CFAP44: variants seen among roughly 807,000 people sequenced by gnomAD.
CFAP44 encodes cilia and flagella associated protein 44.
CFAP44 carries 134 observed loss-of-function variants against 216.2 expected under a neutral mutation model. The ratio of observed to expected loss-of-function variants is 0.62; its 90% CI spans 0.54 to 0.72. CFAP44 has a LOEUF of 0.72. CFAP44 is among the 30% of genes least tolerant of loss of function. The pLI is 0.00. For synonymous variants in CFAP44, 700 were observed against 727.6 expected (o/e 0.96, Z 0.61); for missense variants, 2,035 against 2,182.1 (o/e 0.93, Z 1.34).
At chr3:113,351,316 C>G (rs1292649777) in intron 22 of CFAP44, among the ~76,000 whole-genome samples, 2 of 152,138 alleles carry the variant, frequency 1.3e-5, no homozygotes, top group Non-Finnish European at 2.9e-5. Context: ...AAATCAGACC[C>G]TATCAGTACC....
chr3:113,357,926 T>C (rs1950506147), intron 22 of CFAP44, among the ~76,000 whole-genome samples: 2 of 152,010 alleles, frequency 1.3e-5, no homozygotes, highest in East Asian at 1.9e-4. Flanking sequence ...TAGCCAAAAA[T>C]AGAAACAACT....
intron 15 of CFAP44, among the ~76,000 whole-genome samples, chr3:113,384,687 T>G (rs1933601366): frequency 6.6e-6 from 1 of 152,188 alleles, no homozygotes. Flanking sequence ...ACCAACACCT[T>G]GATTTGGGGC....
intron 34 of CFAP44, among the ~76,000 whole-genome samples, 176 bp from the exon 35 acceptor site, chr3:113,291,924 G>A (rs1342053699): frequency 1.3e-5 from 2 of 152,188 alleles, no homozygotes; most frequent in African/African-American, 4.8e-5. Flanking sequence ...AGAAATGTGT[G>A]CCTTTGGGCT....
chr3:113,409,140 C>G lies in CFAP44; in HGVS notation c.856G>C (p.Glu286Gln). 3 of 1,613,618 alleles carry G rather than the reference C, an allele frequency of 1.9e-6. No individual in the cohort carries two copies. The highest frequency in any genetic ancestry group is 2.5e-6 in the Non-Finnish European group (3 of 1,179,844). ...FKVTFNPDKE[E>Q]QLTTSGSGHI... ...CCTGATCCCGATGTAGTAAGCTGCT[C>G]TTCCTTATCAGGATTGAAAGTAACC... is the stretch of plus-strand genomic sequence containing the variant. The change falls in exon 7 of 35, where the codon GAG (glutamate) becomes CAG (glutamine). Residue 286 changes from glutamate to glutamine, a missense_variant. Around this residue, in one of 3 missense-constraint regions of CFAP44, gnomAD observed 1,883 missense variants for 2,023.7 expected, o/e 0.93. Transcript: ENST00000393845.
intron 27 of CFAP44, among the ~76,000 whole-genome samples, chr3:113,326,850 G>C (rs1266704024): frequency 1.3e-5 from 2 of 152,084 alleles, no homozygotes; most frequent in African/African-American, 4.8e-5. Flanking sequence ...TTTAGAATTA[G>C]AAAATCAGCT....
intron 2 of CFAP44, among the ~76,000 whole-genome samples, chr3:113,428,097 A>G (rs1935010342): frequency 1.3e-5 from 2 of 152,342 alleles, no homozygotes; most frequent in South Asian, 4.1e-4. Context: ...GTGTATTTGG[A>G]TGGCAAGAAA....
intron 28 of CFAP44, among the ~76,000 whole-genome samples, chr3:113,309,804 T>C (rs1010941836): frequency 6.6e-6 from 1 of 152,192 alleles, no homozygotes; most frequent in Non-Finnish European, 1.5e-5. Flanking sequence ...TCCTTGGATA[T>C]TCTTTTAGCC....
intron 6 of CFAP44, among the ~76,000 whole-genome samples, chr3:113,411,948 T>C (rs1304105709): frequency 6.8e-5 from 10 of 146,642 alleles, no homozygotes; most frequent in Non-Finnish European, 1.5e-5. Context: ...CTGTCTGTTA[T>C]TGGTGTATAA....
At chr3:113,389,079 T>A (rs1328398057) in intron 15 of CFAP44, among the ~76,000 whole-genome samples, 1 of 152,176 alleles carries the variant, frequency 6.6e-6, no homozygotes, top group African/African-American at 2.4e-5. Context: ...TACACATTAT[T>A]CTCCTCAGCA....
rs1183735300 is a variant in CFAP44 at position 113,441,113 on chromosome 3, C to CTGA, written c.-6+339_-6+340insTCA. Among the ~76,000 whole-genome samples, 77 of 152,308 alleles carry CTGA rather than the reference C, an allele frequency of 5.1e-4. 1 individual carries two copies. The highest frequency in any genetic ancestry group is 1.6e-3 in the African/African-American group (67 of 41,562). The stretch of plus-strand genomic sequence containing the variant: ...GTGCCAAGCGTCGCACCCAGCTGAG[C>CTGA]GCAGGGCAGGTGTCTCACTGGAGCG... On this transcript the variant is annotated intron_variant, in intron 1 of 34. Coordinates refer to ENST00000393845, the MANE Select transcript of CFAP44 (RefSeq NM_001164496.2).
In CFAP44 at chr3:113,433,587, C is replaced by T. The variant is rs532116954; in HGVS notation, c.78G>A (p.Arg26=). The T allele has an allele frequency of 3.1e-6, 5 of 1,612,166 alleles. No homozygotes were observed. The Admixed American group carries it at 6.7e-5, about 22-fold the overall frequency. Residue 26 remains arginine, a synonymous_variant, in exon 2 of 35, where the codon AGG becomes AGA. Transcript: ENST00000393845. Reference sequence around the variant, plus strand: ...TACATCTTGATTCTGATTTAGAAGACCTCAGAGACTTCTTCCCATCACTCT... The same window carrying T: ...TACATCTTGATTCTGATTTAGAAGATCTCAGAGACTTCTTCCCATCACTCT... ...TSKSDGKKSL[R]SSKSESRSPV...
chr3:113,325,346 T>C (rs542164362), intron 28 of CFAP44, among the ~76,000 whole-genome samples: 1 of 151,868 alleles, frequency 6.6e-6, no homozygotes, highest in South Asian at 2.1e-4. Context: ...GGTGTAAATC[T>C]AACAAAACAT....
rs1200471708 is a variant in CFAP44, at chr3:113,373,424, T to C, written c.2431A>G (p.Thr811Ala). Reference sequence around the variant, plus strand: ...AATACTGCTCACTTGAAAGTGATAGTTTGGATGGGATTGTCCTCTGTATCC... The same window carrying C: ...AATACTGCTCACTTGAAAGTGATAGCTTGGATGGGATTGTCCTCTGTATCC... ...LADTEDNPIQ[T>A]ITFNINKVMM... The change falls in exon 18 of 35, where the codon ACT becomes GCT. Residue 811 changes from threonine to alanine, a missense_variant. Coordinates refer to ENST00000393845, the MANE Select transcript of CFAP44 (RefSeq NM_001164496.2). 1 of 1,577,766 alleles carries C rather than the reference T, an allele frequency of 6.3e-7. No individual in the cohort carries two copies. The highest frequency in any genetic ancestry group is 8.6e-7 in the Non-Finnish European group (1 of 1,161,124).
chr3:113,422,749 A>G (rs1934850612), intron 4 of CFAP44, among the ~76,000 whole-genome samples: 1 of 152,176 alleles, frequency 6.6e-6, no homozygotes, highest in Non-Finnish European at 1.5e-5. Flanking sequence ...AGGCTAAAGC[A>G]TGTTAGTAGC....
At chr3:113,433,428 T>TAAAAAAAAAAAAAAA (rs1935156006) in intron 2 of CFAP44, 137 bp downstream of exon 2, 1 of 254,158 alleles carries the variant, frequency 3.9e-6, no homozygotes, top group African/African-American at 7.9e-5. Flanking sequence ...AAACTCCATC[T>TAAAAAAAAAAAAAAA]CAAAAAAAAA....
chr3:113,323,043 C>T (rs1950158856), intron 28 of CFAP44, among the ~76,000 whole-genome samples: 1 of 152,180 alleles, frequency 6.6e-6, no homozygotes, highest in Admixed American at 6.5e-5. Context: ...ACTCACTCAT[C>T]ATGAGAATAG....
At chr3:113,396,365 T>C (rs1015648036) in intron 14 of CFAP44, among the ~76,000 whole-genome samples, 153 bp downstream of exon 14, 1 of 152,170 alleles carries the variant, frequency 6.6e-6, no homozygotes, top group Non-Finnish European at 1.5e-5. Flanking sequence ...ATTCACAGAC[T>C]ACGCTGAAAG....
intron 2 of CFAP44, among the ~76,000 whole-genome samples, chr3:113,429,417 T>G (rs1400645779): frequency 6.6e-6 from 1 of 152,266 alleles, no homozygotes; most frequent in African/African-American, 2.4e-5. Context: ...CTATTTTATC[T>G]GGTATTAATA....
At chr3:113,332,449 A>C (rs890127870) in intron 25 of CFAP44, among the ~76,000 whole-genome samples, 2 of 152,234 alleles carry the variant, frequency 1.3e-5, no homozygotes, top group Non-Finnish European at 2.9e-5. Context: ...CATTTGTCAG[A>C]AAATTACAAA....
Sources: gnomAD v4.1 joint callset for allele counts (sites outside exome capture counted in the v4.1 genomes callset) on GRCh38, gnomAD v4.1.1 for gene constraint, gnomAD v4.1.1 regional missense constraint, MANE v1.5 for transcripts, NCBI Gene and HGNC (gene_info 2026-07-23, HGNC 2026-07-21) for gene names.